Variants in DAB1 observed in about 807,000 individuals in gnomAD.
DAB1 encodes disabled homolog 1.
In DAB1, 15 loss-of-function variants were observed where a neutral mutation model predicts 64.6. The ratio of observed to expected loss-of-function variants is 0.23; its 90% confidence interval spans 0.16 to 0.36. The LOEUF is 0.36. DAB1 is among the 10% of genes least tolerant of loss of function. DAB1 has a pLI of 1.00. For synonymous variants in DAB1, 235 were observed against 251.9 expected, an observed-to-expected ratio of 0.93 and a Z score of 0.64; for missense variants, 596 against 706.7, an observed-to-expected ratio of 0.84 and a Z score of 1.78.
intron 4 of DAB1, among the ~76,000 whole-genome samples, chr1:58,265,230 G>A (rs763965806): frequency 1.2e-4 from 19 of 152,126 alleles, no homozygotes; most frequent in Non-Finnish European, 1.8e-4. Context: ...GAGGTGGCAC[G>A]GCTTACCCAA....
intron 6 of DAB1, among the ~76,000 whole-genome samples, chr1:57,685,340 T>C (rs539607572): frequency 5.3e-5 from 8 of 151,538 alleles, no homozygotes; most frequent in African/African-American, 1.9e-4. Context: ...TGATAAAGGG[T>C]ACAATTTAAC....
At chr1:58,060,749 T>C (rs10443246) in intron 5 of DAB1, among the ~76,000 whole-genome samples, 31,355 of 152,102 alleles carry the variant, frequency 0.21, 3,634 homozygotes, top group East Asian at 0.31. Context: ...TTCTCGGCTT[T>C]CTGGGCCAGC....
intron 3 of DAB1, among the ~76,000 whole-genome samples, chr1:58,441,980 T>C (rs1235239980): frequency 6.6e-6 from 1 of 152,124 alleles, no homozygotes; most frequent in East Asian, 1.9e-4. Context: ...GGGAGGCCTC[T>C]CTCCAGCACA....
intron 7 of DAB1, among the ~76,000 whole-genome samples, chr1:57,505,814 G>A (rs1431005129): frequency 6.6e-6 from 1 of 152,044 alleles, no homozygotes; most frequent in African/African-American, 2.4e-5. Flanking sequence ...GAGACTACAG[G>A]TGCATGCCAC....
At chr1:57,956,840 C>T (rs571531695) in intron 5 of DAB1, among the ~76,000 whole-genome samples, 1 of 152,172 alleles carries the variant, frequency 6.6e-6, no homozygotes, top group Non-Finnish European at 1.5e-5. Context: ...CTAGTTAGGA[C>T]CATCTTGGAA....
chr1:58,359,682 A>AGATGATAGCAAGTGGTGAGAGT (rs1553177605), intron 3 of DAB1, among the ~76,000 whole-genome samples: 1 of 150,350 alleles, frequency 6.7e-6, no homozygotes, highest in Non-Finnish European at 1.5e-5. Context: ...TGATAGGTAG[A>AGATGATAGCAAGTGGTGAGAGT]GATGATAGCA....
upstream of DAB1, among the ~76,000 whole-genome samples, chr1:57,424,984 C>T (rs1685225699): frequency 6.6e-6 from 1 of 152,190 alleles, no homozygotes; most frequent in African/African-American, 2.4e-5. Flanking sequence ...GTCAGTTGCT[C>T]CTTGCTTAGG....
intron 5 of DAB1, among the ~76,000 whole-genome samples, chr1:58,136,703 A>C (rs536008301): frequency 6.6e-6 from 1 of 152,334 alleles, no homozygotes; most frequent in Non-Finnish European, 1.5e-5. Flanking sequence ...ACAGAGCCCA[A>C]GGTAAGGGAG....
chr1:57,572,851 C>A (rs1328744245), intron 7 of DAB1, among the ~76,000 whole-genome samples: 2 of 152,042 alleles, frequency 1.3e-5, no homozygotes, highest in African/African-American at 4.8e-5. Context: ...CATCAAATGG[C>A]AAAAGCAGGA....
intron 5 of DAB1, among the ~76,000 whole-genome samples, chr1:58,101,258 A>G (rs1242832395): frequency 6.6e-6 from 1 of 152,240 alleles, no homozygotes; most frequent in Admixed American, 6.5e-5. Flanking sequence ...CGGAGCTGGC[A>G]GTGAGCCGAG....
intron 11 of DAB1, among the ~76,000 whole-genome samples, chr1:57,021,169 A>G (rs1314210848): frequency 1.3e-5 from 2 of 152,236 alleles, no homozygotes; most frequent in African/African-American, 4.8e-5. Flanking sequence ...CTCGTGTTCT[A>G]AAAGTTGAAA....
Position 57,099,056 on chromosome 1 carries a change from T to C in DAB1, c.307-26642A>G, listed in dbSNP as rs1418395862. Among the ~76,000 whole-genome samples, 5 of 152,140 alleles carry C rather than the reference T, an allele frequency of 3.3e-5. No individual in the cohort carries two copies. In the East Asian group the frequency reaches 9.6e-4, roughly 29 times the overall value. On this transcript the variant is annotated intron_variant, in intron 4 of 14. Transcript: ENST00000371236. ...GGTTGGGAGAGCCAAGGTAGCATAA[T>C]GGGTAGCATTGGAGGCTCTGGGTCT...
At position 58,129,222 on chromosome 1, in the gene DAB1, T is replaced by C. The variant is rs902372345; in HGVS notation, n.387+21289A>G. Among the ~76,000 whole-genome samples, 12 of 151,774 alleles carry C rather than the reference T, an allele frequency of 7.9e-5. 1 individual carries two copies. In the East Asian group the frequency reaches 2.0e-3, roughly 25 times the overall value. On this transcript the variant is annotated intron_variant and non_coding_transcript_variant, in intron 5 of 20. Coordinates refer to the DAB1 transcript ENST00000485760. ...TGTCCAGGAATTTATCCATTTCTTC[T>C]AGATTTTCTAGTTTATTTGCGTAGA... is the stretch of plus-strand genomic sequence containing the variant.
chr1:57,735,844 G>A (rs901603164), intron 6 of DAB1, among the ~76,000 whole-genome samples: 13 of 151,952 alleles, frequency 8.6e-5, no homozygotes, highest in African/African-American at 3.1e-4. Flanking sequence ...TTCTTAATCA[G>A]TAAATCCAGT....
chr1:57,156,583 G>A (rs551137485), intron 2 of DAB1, among the ~76,000 whole-genome samples: 1 of 152,114 alleles, frequency 6.6e-6, no homozygotes, highest in Non-Finnish European at 1.5e-5. Context: ...CTTGGGGGAG[G>A]CATCTAAGGG....
chr1:57,327,334 T>C (rs1490564488), intron 1 of DAB1, among the ~76,000 whole-genome samples: 1 of 152,136 alleles, frequency 6.6e-6, no homozygotes, highest in East Asian at 1.9e-4. Flanking sequence ...GAAGATGGGC[T>C]GTCAGAGAAG....
intron 4 of DAB1, among the ~76,000 whole-genome samples, chr1:57,112,182 T>C (rs1655720306): frequency 6.6e-6 from 1 of 152,210 alleles, no homozygotes; most frequent in African/African-American, 2.4e-5. Context: ...CCTTTATGTC[T>C]GTCTAGAAGT....
chr1:57,717,368 A>C (rs1270676080), intron 6 of DAB1, among the ~76,000 whole-genome samples: 1 of 152,296 alleles, frequency 6.6e-6, no homozygotes, highest in East Asian at 1.9e-4. Flanking sequence ...CCATCATGAG[A>C]TATCATCTCA....
intron 4 of DAB1, among the ~76,000 whole-genome samples, chr1:58,280,494 T>G (rs1339891086): frequency 6.6e-6 from 1 of 152,246 alleles, no homozygotes; most frequent in Non-Finnish European, 1.5e-5. Flanking sequence ...GTAGCAATGC[T>G]ACCTCATAGG....
Sources: gnomAD v4.1 joint callset for allele counts (sites outside exome capture counted in the v4.1 genomes callset) on GRCh38, gnomAD v4.1.1 for gene constraint, MANE v1.5 for transcripts, NCBI Gene and HGNC (gene_info 2026-07-23, HGNC 2026-07-21) for gene names.